ADAMTS17: variants seen among roughly 807,000 people sequenced by gnomAD.
The protein encoded by ADAMTS17 is ADAM metallopeptidase with thrombospondin type 1 motif 17.
Under a neutral mutation model 141.5 loss-of-function variants are expected in ADAMTS17, and 113 were observed. That is an observed-to-expected ratio of 0.80 (90% CI 0.69 to 0.93). The LOEUF is 0.93. Ranked by LOEUF, ADAMTS17 falls within the 40% of genes least tolerant of loss-of-function variation. ADAMTS17 has a pLI of 0.00. For missense variants in ADAMTS17, 1,659 were observed against 1,517.9 expected (o/e 1.09, Z -1.54); for synonymous variants, 768 against 630.6 (o/e 1.22, Z -3.27).
intron 8 of ADAMTS17, among the ~76,000 whole-genome samples, chr15:100,183,265 A>G (rs2040588279): frequency 6.6e-6 from 1 of 152,210 alleles, no homozygotes; most frequent in African/African-American, 2.4e-5. Context: ...TGCTGGGATT[A>G]CAGGTGTGAA....
intron 3 of ADAMTS17, among the ~76,000 whole-genome samples, chr15:100,324,985 T>C (rs1451893994): frequency 6.6e-6 from 1 of 152,238 alleles, no homozygotes; most frequent in Non-Finnish European, 1.5e-5. Context: ...TGTAACTGAA[T>C]AGCTGACCAG....
At position 100,133,222 on chromosome 15, in the gene ADAMTS17, C is replaced by T. The variant is rs1226043569; in HGVS notation, c.1567G>A (p.Ala523Thr). 4 of 1,591,262 alleles carry T rather than the reference C, an allele frequency of 2.5e-6. No homozygotes were observed. Among genetic ancestry groups the T allele is most frequent in the Non-Finnish European group, 3.4e-6 (4 of 1,167,358 alleles). Reference protein sequence around the residue: ...DPPLDGTECGADKWCRAGECV... With the variant: ...DPPLDGTECGTDKWCRAGECV... The stretch of plus-strand genomic sequence containing the variant: ...GGGAAGTCAGAGGTTACCTTGTCTG[C>T]CCCACACTCGGTGCCATCCAGGGGA... Residue 523 changes from alanine (A) to threonine (T), a missense_variant, in exon 11 of 22, where the codon GCA becomes ACA. By Grantham distance (58) the Ala-to-Thr change is moderately conservative. Transcript: ENST00000268070.
intron 15 of ADAMTS17, chr15:100,063,690 T>C (rs962218970): frequency 3.9e-6 from 5 of 1,289,808 alleles, no homozygotes; most frequent in African/African-American, 3.0e-5. Context: ...CAGAAAGCTG[T>C]GGGCAGGTTT....
intron 4 of ADAMTS17, among the ~76,000 whole-genome samples, chr15:100,272,270 T>A (rs1044819585): frequency 6.6e-6 from 1 of 152,160 alleles, no homozygotes; most frequent in African/African-American, 2.4e-5. Context: ...AGAAATTGCA[T>A]TGAATCTGTA....
chr15:100,134,305 G>A (rs900350511), intron 10 of ADAMTS17, among the ~76,000 whole-genome samples: 1 of 152,218 alleles, frequency 6.6e-6, no homozygotes, highest in African/African-American at 2.4e-5. Flanking sequence ...CCCTCACAGT[G>A]CTTCCTGGGA....
At chr15:100,036,520 C>T (rs958218739) in intron 18 of ADAMTS17, among the ~76,000 whole-genome samples, 7 of 152,218 alleles carry the variant, frequency 4.6e-5, no homozygotes, top group Non-Finnish European at 1.0e-4. Flanking sequence ...TCTGCACTCA[C>T]GGGAGCCTGC....
At chr15:100,082,888 C>G (rs542449398) in intron 15 of ADAMTS17, among the ~76,000 whole-genome samples, 1 of 151,326 alleles carries the variant, frequency 6.6e-6, no homozygotes, top group African/African-American at 2.4e-5. Flanking sequence ...TGCTTACTCT[C>G]AGGATTGGCT....
rs960848138 is a variant in ADAMTS17, at chr15:100,119,948, T to G, written c.1722-2935A>C. ...GCTATGCTGCTTACCACTAACCTTA[T>G]GAAATGGAGGGCTGTCTTCCTCCTG... On this transcript the variant is annotated intron_variant, in intron 12 of 21. Transcript: ENST00000268070. Among the ~76,000 whole-genome samples, 6 of 152,230 alleles carry G rather than the reference T, an allele frequency of 3.9e-5. No homozygotes were observed. The East Asian group carries it at 1.2e-3, about 29-fold the overall frequency.
At chr15:100,023,197 TAAA>T in intron 18 of ADAMTS17, among the ~76,000 whole-genome samples, 1 of 151,762 alleles carries the variant, frequency 6.6e-6, no homozygotes, top group East Asian at 1.9e-4. Context: ...GTGAACAAAA[TAAA>T]AAAATTTTTT....
intron 3 of ADAMTS17, among the ~76,000 whole-genome samples, chr15:100,283,810 A>T (rs973616869): frequency 6.6e-6 from 1 of 152,214 alleles, no homozygotes; most frequent in Non-Finnish European, 1.5e-5. Flanking sequence ...TTAACATTTC[A>T]AAATCCTGCA....
chr15:100,292,201 C>A (rs1454799925), intron 3 of ADAMTS17, among the ~76,000 whole-genome samples: 2 of 147,890 alleles, frequency 1.4e-5, no homozygotes, highest in Admixed American at 6.7e-5. Flanking sequence ...TGGGGAATCA[C>A]GAGACACGCT....
intron 7 of ADAMTS17, among the ~76,000 whole-genome samples, chr15:100,242,799 A>T (rs1038488187): frequency 6.6e-6 from 1 of 152,062 alleles, no homozygotes; most frequent in African/African-American, 2.4e-5. Context: ...CTGTCATCTT[A>T]CTTCTTTAAA....
At chr15:100,096,876 G>T (rs2035793921) in intron 14 of ADAMTS17, among the ~76,000 whole-genome samples, 1 of 152,190 alleles carries the variant, frequency 6.6e-6, no homozygotes, top group Non-Finnish European at 1.5e-5. Flanking sequence ...TCCCCTCTAG[G>T]CTGTGGGGGT....
At position 100,287,021 on chromosome 15, in the gene ADAMTS17, C is replaced by A. The variant is rs531981912; in HGVS notation, c.617-5620G>T. 2.0e-4 allele frequency among the ~76,000 whole-genome samples: 31 copies of A among 152,300 alleles called. No homozygotes were observed. The East Asian group carries it at 6.0e-3, about 29-fold the overall frequency. ...TGGCCAACCTGGTTAAACCCCGTCT[C>A]TACTAAAAATACAAAAATTAGCTGG... On this transcript the variant is annotated intron_variant, in intron 3 of 21. Transcript: ENST00000268070.
intron 18 of ADAMTS17, among the ~76,000 whole-genome samples, chr15:100,030,530 C>T (rs930171969): frequency 5.3e-5 from 8 of 152,248 alleles, no homozygotes; most frequent in South Asian, 2.1e-4. Context: ...TCTCTAGTCA[C>T]GCGCTGAGCC....
chr15:100,268,562 T>C (rs1479633060), intron 4 of ADAMTS17, among the ~76,000 whole-genome samples: 2 of 152,236 alleles, frequency 1.3e-5, no homozygotes, highest in East Asian at 3.8e-4. Context: ...GAGCATCTTT[T>C]CACATGTTTG....
At chr15:99,994,867 CTT>C (rs2141336714) in intron 19 of ADAMTS17, among the ~76,000 whole-genome samples, 1 of 152,378 alleles carries the variant, frequency 6.6e-6, no homozygotes, top group South Asian at 2.1e-4. Context: ...CCTCGCAGCT[CTT>C]TCTTACGAAT....
chr15:100,035,036 C>G (rs1296990314), intron 18 of ADAMTS17, among the ~76,000 whole-genome samples: 1 of 152,172 alleles, frequency 6.6e-6, no homozygotes, highest in East Asian at 1.9e-4. Flanking sequence ...ACCCCGGGGA[C>G]CTAAGATTAA....
At chr15:100,333,529 G>A (rs1596544887) in intron 2 of ADAMTS17, among the ~76,000 whole-genome samples, 1 of 152,220 alleles carries the variant, frequency 6.6e-6, no homozygotes, top group Non-Finnish European at 1.5e-5. Flanking sequence ...GAGAAGCGCC[G>A]TCCTAGCTTT....
Sources: allele counts gnomAD v4.1 joint callset (sites outside exome capture counted in the v4.1 genomes callset), GRCh38; gene constraint gnomAD v4.1.1; transcripts MANE v1.5; gene names NCBI Gene and HGNC (gene_info 2026-07-23, HGNC 2026-07-21).